TMTC2: variants seen among roughly 807,000 people sequenced by gnomAD.
TMTC2 encodes protein O-mannosyl-transferase TMTC2.
In TMTC2, 43 loss-of-function variants were observed where a neutral mutation model predicts 82.4. The observed-to-expected ratio is 0.52, with a 90% CI of 0.41 to 0.67. The LOEUF is 0.67. TMTC2 is among the 30% of genes least tolerant of loss of function. The probability of loss-of-function intolerance (pLI) is 0.00; values close to 1 mark genes in which losing one functional copy is unlikely to be tolerated. For missense variants in TMTC2, 919 were observed against 1,012.4 expected (o/e 0.91, Z 1.25); for synonymous variants, 408 against 381.9 (o/e 1.07, Z -0.80).
In TMTC2 at chr12:83,134,294, A is replaced by C. The variant is rs1885365937; in HGVS notation, c.*1905A>C. 1 of 152,446 alleles carries C rather than the reference A, an allele frequency of 6.6e-6. No individual in the cohort carries two copies. Among genetic ancestry groups the C allele is most frequent in the Admixed American group, 6.6e-5 (1 of 15,258 alleles). The allele number at this position is 152,446 out of a possible 1,614,324, so 9.4% of individuals were successfully genotyped here. The stretch of plus-strand genomic sequence containing the variant: ...CTTTTAGTGCATTGGCAATTGCAAA[A>C]AAAAAAAAGGAATTTAATATAAGGC... On this transcript the variant is annotated 3_prime_UTR_variant, in exon 12 of 12. Coordinates refer to ENST00000321196, the MANE Select transcript of TMTC2 (RefSeq NM_152588.3).
At chr12:82,770,400 A>C (rs914871326) in intron 1 of TMTC2, among the ~76,000 whole-genome samples, 1 of 151,996 alleles carries the variant, frequency 6.6e-6, no homozygotes, top group South Asian at 2.1e-4. Context: ...AGAACTGAGC[A>C]CTCTATTTTA....
intron 3 of TMTC2, among the ~76,000 whole-genome samples, chr12:82,921,282 C>T (rs1359373266): frequency 1.3e-5 from 2 of 152,126 alleles, no homozygotes; most frequent in African/African-American, 4.8e-5. Flanking sequence ...TGCCTGGAAA[C>T]ATATCTGAAT....
At chr12:82,709,768 T>C (rs773138426) in intron 1 of TMTC2, among the ~76,000 whole-genome samples, 6 of 152,242 alleles carry the variant, frequency 3.9e-5, no homozygotes, top group African/African-American at 7.2e-5. Context: ...TATCATAATA[T>C]TTTGAGTTTG....
intron 11 of TMTC2, among the ~76,000 whole-genome samples, chr12:83,089,055 A>G (rs1192012434): frequency 6.6e-6 from 1 of 152,158 alleles, no homozygotes; most frequent in Non-Finnish European, 1.5e-5. Context: ...GGGGGAAACT[A>G]AATAAGCACC....
At chr12:82,809,232 TG>T (rs943794478) in intron 1 of TMTC2, among the ~76,000 whole-genome samples, 1 of 152,088 alleles carries the variant, frequency 6.6e-6, no homozygotes, top group African/African-American at 2.4e-5. Context: ...AAATTGTTCT[TG>T]GTTATATATT....
intron 8 of TMTC2, among the ~76,000 whole-genome samples, chr12:83,018,602 CA>C (rs1200759382): frequency 6.6e-6 from 1 of 151,632 alleles, no homozygotes; most frequent in African/African-American, 2.4e-5. Context: ...TATTGGAAAC[CA>C]GTTTTTCATG....
chr12:82,875,824 G>C (rs1005330881), intron 2 of TMTC2, among the ~76,000 whole-genome samples: 37 of 139,596 alleles, frequency 2.7e-4, no homozygotes, highest in African/African-American at 9.7e-4. Context: ...AAATTATTTA[G>C]ATATATTGAA....
chr12:82,691,649 G>A (rs1346810983), intron 1 of TMTC2, among the ~76,000 whole-genome samples: 4 of 151,946 alleles, frequency 2.6e-5, no homozygotes, highest in Non-Finnish European at 5.9e-5. Context: ...GGAATCCCTC[G>A]TGAAATAATC....
intron 1 of TMTC2, among the ~76,000 whole-genome samples, chr12:82,700,278 G>A (rs1873009287): frequency 1.3e-5 from 2 of 152,142 alleles, no homozygotes; most frequent in South Asian, 4.1e-4. Context: ...GTTATGTAAA[G>A]TACTTGGAAC....
chr12:83,009,602 A>C (rs1226740779), intron 8 of TMTC2, among the ~76,000 whole-genome samples: 2 of 152,038 alleles, frequency 1.3e-5, no homozygotes, highest in Non-Finnish European at 2.9e-5. Flanking sequence ...TAAAAATAGG[A>C]GTGATGCAAT....
chr12:82,809,418 C>T (rs1034411676), intron 1 of TMTC2, among the ~76,000 whole-genome samples: 1 of 151,970 alleles, frequency 6.6e-6, no homozygotes, highest in African/African-American at 2.4e-5. Context: ...TGCTTAAGTC[C>T]TCTGGGTACA....
rs558043460 is a variant in TMTC2, at chr12:82,778,263, C to A, written c.84-78747C>A. Among the ~76,000 whole-genome samples the A allele has an allele frequency of 1.1e-3, 169 of 152,216 alleles. 2 individuals are homozygous for A. Among genetic ancestry groups the A allele is most frequent in the South Asian group, 1.9e-3 (9 of 4,824 alleles). The stretch of plus-strand genomic sequence containing the variant: ...ATCATGACTAGAGATGTGATGAACA[C>A]AGAGAAGCAAATAATTTATTATTTT... On this transcript the variant is annotated intron_variant, in intron 1 of 11. Coordinates refer to ENST00000321196, the MANE Select transcript of TMTC2 (RefSeq NM_152588.3).
At chr12:82,948,480 A>T (rs2137275059) in intron 4 of TMTC2, among the ~76,000 whole-genome samples, 1 of 152,348 alleles carries the variant, frequency 6.6e-6, no homozygotes, top group South Asian at 2.1e-4. Flanking sequence ...ATTCCAAGCA[A>T]AAAAATATAT....
chr12:83,029,112 G>T (rs1283508680), intron 8 of TMTC2, among the ~76,000 whole-genome samples: 1 of 151,270 alleles, frequency 6.6e-6, no homozygotes, highest in Non-Finnish European at 1.5e-5. Flanking sequence ...GCAACAATGA[G>T]TTTTTTGTTT....
At chr12:82,990,300 T>C (rs1242677005) in intron 8 of TMTC2, among the ~76,000 whole-genome samples, 1 of 152,154 alleles carries the variant, frequency 6.6e-6, no homozygotes, top group Non-Finnish European at 1.5e-5. Flanking sequence ...TAGAAAAATA[T>C]TGATTATTAG....
intron 9 of TMTC2, among the ~76,000 whole-genome samples, chr12:83,045,140 C>T (rs886233954): frequency 3.9e-5 from 6 of 152,190 alleles, no homozygotes; most frequent in African/African-American, 1.4e-4. Context: ...AAAACAATTG[C>T]TCTTTCCCTT....
chr12:82,959,705 T>C (rs1376645843), intron 4 of TMTC2, among the ~76,000 whole-genome samples: 1 of 152,034 alleles, frequency 6.6e-6, no homozygotes, highest in Non-Finnish European at 1.5e-5. Flanking sequence ...GTGTAAGTCC[T>C]CAAAGTGTTA....
At chr12:82,836,507 G>A (rs1870048345) in intron 1 of TMTC2, among the ~76,000 whole-genome samples, 1 of 152,118 alleles carries the variant, frequency 6.6e-6, no homozygotes, top group Admixed American at 6.6e-5. Context: ...AATGGGCCCT[G>A]AGTGAAGGGA....
At chr12:82,830,244 A>G (rs1869674745) in intron 1 of TMTC2, among the ~76,000 whole-genome samples, 2 of 152,048 alleles carry the variant, frequency 1.3e-5, no homozygotes, top group Non-Finnish European at 2.9e-5. Context: ...ATTGAATTCT[A>G]TTGTGTTTTT....
Sources: allele counts gnomAD v4.1 joint callset (sites outside exome capture counted in the v4.1 genomes callset), GRCh38; gene constraint gnomAD v4.1.1; transcripts MANE v1.5; gene names NCBI Gene and HGNC (gene_info 2026-07-23, HGNC 2026-07-21).